The following CPE variants were observed in gnomAD, a reference collection of about 807,000 sequenced individuals.
The protein encoded by CPE is carbocypeptidase E.
A neutral mutation model predicts 53.5 loss-of-function variants in CPE; 17 were observed. The observed-to-expected ratio is 0.32, with a 90% CI of 0.22 to 0.48. The LOEUF is 0.48. Among genes scored for constraint, CPE ranks in the 20% least tolerant of loss-of-function variants. The probability of loss-of-function intolerance (pLI) is 0.99; values close to 1 mark genes in which losing one functional copy is unlikely to be tolerated. For synonymous variants in CPE, 226 were observed against 228.8 expected, an observed-to-expected ratio of 0.99 and a Z score of 0.11; for missense variants, 524 against 614.7, an observed-to-expected ratio of 0.85 and a Z score of 1.56.
chr4:165,433,066 A>G (rs539154237), intron 1 of CPE, among the ~76,000 whole-genome samples: 13 of 152,338 alleles, frequency 8.5e-5, no homozygotes, highest in Non-Finnish European at 1.8e-4. Context: ...ACTTCATCCC[A>G]TAAAATAGAA....
At chr4:165,468,274 T>C (rs973998785) in intron 3 of CPE, among the ~76,000 whole-genome samples, 4 of 152,178 alleles carry the variant, frequency 2.6e-5, no homozygotes, top group South Asian at 2.1e-4. Context: ...TCAGTTTTTT[T>C]CCCTGTTTCT....
chr4:165,441,182 A>C (rs949662800), intron 1 of CPE, among the ~76,000 whole-genome samples: 2 of 152,046 alleles, frequency 1.3e-5, no homozygotes, highest in African/African-American at 4.8e-5. Flanking sequence ...AATCGTCGAG[A>C]CCCCGTTCAC....
rs1732064497 is a variant in CPE, at chr4:165,464,440, G to A, written c.358G>A (p.Gly120Arg). 6.2e-7 allele frequency: 1 copy of A among 1,613,098 alleles called. No individual in the cohort carries two copies. Among genetic ancestry groups the A allele is most frequent in the Non-Finnish European group, 8.5e-7 (1 of 1,179,510 alleles). The part of the protein sequence containing the change: ...IGNMHGNEAV[G>R]RELLIFLAQY... Reference sequence around the variant, plus strand: ...GAATATGCATGGGAATGAGGCTGTTGGACGAGAACTGCTCATTTTCTTGGC... The same window carrying A: ...GAATATGCATGGGAATGAGGCTGTTAGACGAGAACTGCTCATTTTCTTGGC... Residue 120 changes from glycine to arginine, a missense_variant, in exon 2 of 9, where the codon GGA becomes AGA. Coordinates refer to ENST00000402744, the MANE Select transcript of CPE (RefSeq NM_001873.4).
At chr4:165,441,018 G>T (rs1159059451) in intron 1 of CPE, among the ~76,000 whole-genome samples, 1 of 152,142 alleles carries the variant, frequency 6.6e-6, no homozygotes, top group Non-Finnish European at 1.5e-5. Flanking sequence ...CAGTACAAAG[G>T]CACATCCAAA....
chr4:165,444,889 C>T (rs562805684), intron 1 of CPE, among the ~76,000 whole-genome samples: 2 of 152,296 alleles, frequency 1.3e-5, no homozygotes, highest in African/African-American at 4.8e-5. Context: ...TTTTGTAATA[C>T]TAATAAGAAT....
At chr4:165,384,710 A>G (rs1730560807) in intron 1 of CPE, among the ~76,000 whole-genome samples, 1 of 152,228 alleles carries the variant, frequency 6.6e-6, no homozygotes, top group Non-Finnish European at 1.5e-5. Context: ...TTATCATAGT[A>G]TTAAAGATTC....
intron 1 of CPE, among the ~76,000 whole-genome samples, chr4:165,413,358 A>G (rs1215932593): frequency 1.3e-5 from 2 of 152,196 alleles, no homozygotes; most frequent in Non-Finnish European, 2.9e-5. Context: ...TTGTTCACAC[A>G]GTTCTCTCCA....
chr4:165,423,035 CGAA>C (rs1731253634), intron 1 of CPE, among the ~76,000 whole-genome samples: 1 of 149,094 alleles, frequency 6.7e-6, no homozygotes, highest in Non-Finnish European at 1.5e-5. Context: ...AGGGACAACT[CGAA>C]GAAGGGAGGG....
intron 1 of CPE, among the ~76,000 whole-genome samples, chr4:165,422,377 T>G (rs1415348167): frequency 6.6e-6 from 1 of 151,950 alleles, no homozygotes; most frequent in Non-Finnish European, 1.5e-5. Flanking sequence ...AATAAAAAAT[T>G]GTTTGGTTCC....
intron 1 of CPE, among the ~76,000 whole-genome samples, chr4:165,435,301 A>G (rs1731479697): frequency 1.3e-5 from 2 of 152,204 alleles, no homozygotes; most frequent in Non-Finnish European, 2.9e-5. Flanking sequence ...CTTTGCATAT[A>G]ATGGCTTTCT....
At chr4:165,407,908 T>A (rs1310124862) in intron 1 of CPE, among the ~76,000 whole-genome samples, 1 of 151,698 alleles carries the variant, frequency 6.6e-6, no homozygotes, top group South Asian at 2.1e-4. Context: ...CTCAAACTCC[T>A]GGGCTCTGGG....
At chr4:165,406,664 C>T (rs1730959061) in intron 1 of CPE, among the ~76,000 whole-genome samples, 1 of 152,174 alleles carries the variant, frequency 6.6e-6, no homozygotes, top group Non-Finnish European at 1.5e-5. Flanking sequence ...AGTAGATCCA[C>T]AGTGTTGTGC....
intron 1 of CPE, among the ~76,000 whole-genome samples, chr4:165,380,869 G>A (rs1237751951): frequency 6.6e-6 from 1 of 152,134 alleles, no homozygotes; most frequent in African/African-American, 2.4e-5. Context: ...TATCTACCAG[G>A]ATTCAGCATG....
intron 3 of CPE, among the ~76,000 whole-genome samples, chr4:165,477,938 A>G (rs886854346): frequency 6.6e-6 from 1 of 152,066 alleles, no homozygotes; most frequent in African/African-American, 2.4e-5. Flanking sequence ...GCTCTCCCAG[A>G]CTTCCTTCTC....
rs1443499476 is a variant in CPE at position 165,422,909 on chromosome 4, G to A, written c.308-41481G>A. Among the ~76,000 whole-genome samples, 4 of 150,286 alleles carry A rather than the reference G, an allele frequency of 2.7e-5. No homozygotes were observed. The South Asian group carries it at 8.4e-4, about 32-fold the overall frequency. On this transcript the variant is annotated intron_variant, in intron 1 of 8. Coordinates refer to ENST00000402744, the MANE Select transcript of CPE (RefSeq NM_001873.4). ...GGAGAATGGCGTGAACTCGGGAGGC[G>A]GAGCTTGCAGTGAGCCGAGATGGTG...
rs1730917904 is a variant in CPE at position 165,404,249 on chromosome 4, C to G, written c.307+24721C>G. ...TGGGAAGCTGAGCCCGAAGACGGCT[C>G]CAATGTCTCCCTCTGCAGGTGTGGC... On this transcript the variant is annotated intron_variant, in intron 1 of 8. Transcript: ENST00000402744. The G allele has an allele frequency of 2.6e-5, 20 of 765,134 alleles. No individual in the cohort carries two copies. In the South Asian group the frequency reaches 2.7e-4, roughly 10 times the overall value. The allele number at this position is 765,134 out of a possible 1,614,324, so 47.4% of individuals were successfully genotyped here. A position where few individuals can be genotyped will look rare whatever the true frequency, so the allele number is the denominator to read the frequency against.
rs560264104 is a variant in CPE at position 165,476,379 on chromosome 4, G to C, written c.673-5863G>C. ...CAGTGGCCTGGCAACACTTGGGAGG[G>C]GCGCTTGCACAGTGTGTTTACTGAA... On this transcript the variant is annotated intron_variant, in intron 3 of 8. Transcript: ENST00000402744. Among the ~76,000 whole-genome samples, 10 of 152,120 alleles carry C rather than the reference G, an allele frequency of 6.6e-5. No individual in the cohort carries two copies. In the South Asian group the frequency reaches 2.1e-3, roughly 32 times the overall value.
intron 1 of CPE, among the ~76,000 whole-genome samples, chr4:165,427,459 G>T (rs1731341644): frequency 6.6e-6 from 1 of 151,776 alleles, no homozygotes; most frequent in South Asian, 2.1e-4. Context: ...TTTTCTATAG[G>T]TATTTGTAGG....
intron 1 of CPE, among the ~76,000 whole-genome samples, chr4:165,416,684 C>T (rs577198995): frequency 5.3e-5 from 8 of 151,816 alleles, no homozygotes; most frequent in South Asian, 2.1e-4. Flanking sequence ...GTAGGGGTTC[C>T]GCCTTCTTGA....
Sources: allele counts gnomAD v4.1 joint callset (sites outside exome capture counted in the v4.1 genomes callset), GRCh38; gene constraint gnomAD v4.1.1; transcripts MANE v1.5; gene names NCBI Gene and HGNC (gene_info 2026-07-23, HGNC 2026-07-21).